The following TMEM25 variants were observed in gnomAD, a reference collection of about 807,000 sequenced individuals.
The protein encoded by TMEM25 is transmembrane protein 25.
TMEM25 carries 36 observed loss-of-function variants against 37.0 expected under a neutral mutation model. The observed-to-expected ratio is 0.97, with a 90% CI of 0.75 to 1.28. The LOEUF (loss-of-function observed/expected upper bound fraction) is 1.28, where lower values mean the gene tolerates loss of function less well. Among genes scored for constraint, TMEM25 ranks in the 50% most tolerant of loss-of-function variants. The pLI is 0.00. For missense variants in TMEM25, 444 were observed against 477.9 expected (o/e 0.93, Z 0.66); for synonymous variants, 197 against 203.7 (o/e 0.97, Z 0.28).
chr11:118,545,163 G>C, intron 8 of TMEM25: 1 of 697,462 alleles, frequency 1.4e-6, no homozygotes, highest in South Asian at 1.8e-5. Flanking sequence ...AGTGTCCTCT[G>C]TAGATCCTCA....
intron 8 of TMEM25, chr11:118,544,917 C>A: frequency 3.7e-6 from 6 of 1,607,322 alleles, no homozygotes; most frequent in Non-Finnish European, 5.1e-6. Context: ...GGAAGTGTCT[C>A]AGCTGAAGGT....
chr11:118,542,855 G>T (rs1014533980), intron 8 of TMEM25, among the ~76,000 whole-genome samples: 1 of 152,060 alleles, frequency 6.6e-6, no homozygotes, highest in South Asian at 2.1e-4. Flanking sequence ...AGAGGCTGCG[G>T]TATGCCAAGA....
chr11:118,531,910 T>C (rs140430387), intron 2 of TMEM25, 39 bp downstream of exon 2: 16,940 of 1,549,014 alleles, frequency 0.011, 134 homozygotes, highest in Non-Finnish European at 0.013. Context: ...TCCTTCTGGG[T>C]TCCAAAGCCC....
Position 118,535,482 on chromosome 11 carries a change from C to A in TMEM25, c.*902C>A. 3.3e-6 allele frequency: 5 copies of A among 1,524,304 alleles called. No individual in the cohort carries two copies. Among genetic ancestry groups the A allele is most frequent in the Non-Finnish European group, 4.4e-6 (5 of 1,138,674 alleles). 94.4% of individuals were successfully genotyped at this position (1,524,304 alleles called of 1,614,324 possible). On this transcript the variant is annotated 3_prime_UTR_variant, in exon 9 of 9. Transcript: ENST00000313236. ...GGATTCACTGTGAGTGTCCTGAGCT[C>A]TCGGGGTTGATGGTTTTTCTCTCAG...
At chr11:118,546,486 T>C (rs1438735627), downstream of TMEM25, 3 of 212,758 alleles carry the variant, frequency 1.4e-5, no homozygotes, top group South Asian at 1.1e-4. Context: ...TAATACCCTG[T>C]AAAAAAAAAG....
downstream of TMEM25, among the ~76,000 whole-genome samples, chr11:118,536,160 G>C (rs1021671569): frequency 6.7e-6 from 1 of 149,134 alleles, no homozygotes; most frequent in Non-Finnish European, 1.5e-5. Context: ...GTACAGGTGT[G>C]AGCCACCACA....
At chr11:118,540,594 G>A (rs1951565868), downstream of TMEM25, among the ~76,000 whole-genome samples, 1 of 152,206 alleles carries the variant, frequency 6.6e-6, no homozygotes, top group Admixed American at 6.5e-5. Context: ...TTCCTGACAA[G>A]GCTTCCATCT....
At chr11:118,547,230 C>A (rs1440644996), downstream of TMEM25, 1 of 152,086 alleles carries the variant, frequency 6.6e-6, no homozygotes, top group Non-Finnish European at 1.5e-5. Context: ...CTTTGTAGAG[C>A]TTACATTTTA....
At position 118,535,464 on chromosome 11, in the gene TMEM25, CTGTGAGT is replaced by C; in HGVS notation, c.*885_*891del. On this transcript the variant is annotated 3_prime_UTR_variant, in exon 9 of 9. Transcript: ENST00000313236. ...CCCACGTTTGGCCTTCTGGGATTCA[CTGTGAGT>C]GTCCTGAGCTCTCGGGGTTGATGGT... 1 of 1,504,624 alleles carries C rather than the reference CTGTGAGT, an allele frequency of 6.6e-7. No individual in the cohort carries two copies. Among genetic ancestry groups the C allele is most frequent in the Non-Finnish European group, 8.9e-7 (1 of 1,126,552 alleles). The allele number at this position is 1,504,624 out of a possible 1,614,324, so 93.2% of individuals were successfully genotyped here.
rs1034289374 is a variant in TMEM25 at position 118,533,408 on chromosome 11, G to T, written c.674-12G>T. On this transcript the variant is annotated splice_polypyrimidine_tract_variant and intron_variant, in intron 4 of 8. Coordinates refer to ENST00000313236, the MANE Select transcript of TMEM25 (RefSeq NM_032780.4). The stretch of plus-strand genomic sequence containing the variant: ...TACCCACTTGGGACCTGACACAGAG[G>T]ACATCCTCCAGGGCTTCTGGCTACC... 6.2e-7 allele frequency: 1 copy of T among 1,613,180 alleles called. No homozygotes were observed. Among genetic ancestry groups the T allele is most frequent in the Non-Finnish European group, 8.5e-7 (1 of 1,179,942 alleles).
chr11:118,545,810 T>A (rs1555066960), intron 8 of TMEM25: 3 of 1,614,166 alleles, frequency 1.9e-6, no homozygotes, highest in Non-Finnish European at 8.5e-7. Context: ...CATGTCAATG[T>A]ACTCTGCCAG....
chr11:118,531,514 T>C, intron 1 of TMEM25: 1 of 546,598 alleles, frequency 1.8e-6, no homozygotes, highest in Non-Finnish European at 3.3e-6. Flanking sequence ...TCGTTGCTTC[T>C]GCGTATCTGC....
chr11:118,531,312 C>T (rs1262339290), intron 1 of TMEM25, 78 bp downstream of exon 1: 5 of 334,404 alleles, frequency 1.5e-5, no homozygotes, highest in South Asian at 1.2e-4. Flanking sequence ...CTTCCGCCGA[C>T]ATCCACCGGA....
intron 8 of TMEM25, chr11:118,545,344 T>C (rs1466172986): frequency 8.3e-7 from 1 of 1,201,012 alleles, no homozygotes; most frequent in Non-Finnish European, 1.2e-6. Context: ...CACAGCAGGC[T>C]CAGAACAGTA....
At position 118,535,690 on chromosome 11, in the gene TMEM25, G is replaced by A. The variant is rs1951496089; in HGVS notation, c.*1110G>A. 3 of 1,462,612 alleles carry A rather than the reference G, an allele frequency of 2.1e-6. No individual in the cohort carries two copies. The highest frequency in any genetic ancestry group is 2.5e-5 in the East Asian group (1 of 39,614). 90.6% of individuals were successfully genotyped at this position (1,462,612 alleles called of 1,614,324 possible). On this transcript the variant is annotated 3_prime_UTR_variant, in exon 9 of 9. Coordinates refer to ENST00000313236, the MANE Select transcript of TMEM25 (RefSeq NM_032780.4). ...AAGTGACCTAAGAACACTTTAAAAAGCAACATGTAAATGATTGGAAATTAA... is the reference window on the plus strand; with the variant it reads ...AAGTGACCTAAGAACACTTTAAAAAACAACATGTAAATGATTGGAAATTAA...
chr11:118,534,193 C>T lies in TMEM25; in HGVS notation c.937+64C>T. The T allele has an allele frequency of 6.2e-7, 1 of 1,613,104 alleles. No homozygotes were observed. Reference sequence around the variant, plus strand: ...CCAGAAGTGCTTCTGAGAAAAAGAACTTGGTGCTTGGGAGGGGCGAGGCCT... The same window carrying T: ...CCAGAAGTGCTTCTGAGAAAAAGAATTTGGTGCTTGGGAGGGGCGAGGCCT... On this transcript the variant is annotated intron_variant, in intron 7 of 8. Coordinates refer to ENST00000313236, the MANE Select transcript of TMEM25 (RefSeq NM_032780.4). This position sits in a 1 kb window ranked among gnomAD's most constrained non-coding sequence, Gnocchi z 4.6.
intron 1 of TMEM25, 45 bp downstream of exon 1, chr11:118,531,279 ACC>A (rs1951239018): frequency 2.8e-6 from 1 of 351,926 alleles, no homozygotes; most frequent in South Asian, 2.8e-5. Flanking sequence ...ATGCTCGGCG[ACC>A]CCACCCTCCG....
chr11:118,537,975 C>T (rs1483631026), downstream of TMEM25, among the ~76,000 whole-genome samples: 1 of 151,910 alleles, frequency 6.6e-6, no homozygotes, highest in Non-Finnish European at 1.5e-5. Context: ...CACTTCAGCC[C>T]AGGAGGCAGA....
chr11:118,545,577 C>T (rs1951660042), intron 8 of TMEM25: 2 of 1,243,682 alleles, frequency 1.6e-6, no homozygotes, highest in East Asian at 4.6e-5. Flanking sequence ...AGGCAAAGCC[C>T]TGGCAGATGG....
Sources: allele counts gnomAD v4.1 joint callset (sites outside exome capture counted in the v4.1 genomes callset), GRCh38; gene constraint gnomAD v4.1.1; non-coding constraint Gnocchi (gnomAD v3.1); transcripts MANE v1.5; gene names NCBI Gene and HGNC (gene_info 2026-07-23, HGNC 2026-07-21).